The following ZC3H18 variants were observed in gnomAD, a reference collection of about 807,000 sequenced individuals.
ZC3H18 encodes zinc finger CCCH domain-containing protein 18.
A neutral mutation model predicts 106.1 loss-of-function variants in ZC3H18; 8 were observed. The ratio of observed to expected loss-of-function variants is 0.08; its 90% CI spans 0.04 to 0.14. The LOEUF (loss-of-function observed/expected upper bound fraction) is 0.14, where lower values mean the gene tolerates loss of function less well. Among genes scored for constraint, ZC3H18 ranks in the 10% least tolerant of loss-of-function variants. The probability of loss-of-function intolerance (pLI) is 1.00; values close to 1 mark genes in which losing one functional copy is unlikely to be tolerated. For missense variants in ZC3H18, 1,318 were observed against 1,278.4 expected, an observed-to-expected ratio of 1.03 and a Z score of -0.47; for synonymous variants, 635 against 522.1, an observed-to-expected ratio of 1.22 and a Z score of -2.95.
intron 1 of ZC3H18, among the ~76,000 whole-genome samples, chr16:88,572,765 TACTATTTTTTGAAACGGA>T (rs1914491456): frequency 1.3e-5 from 2 of 151,634 alleles, no homozygotes; most frequent in South Asian, 4.2e-4. Context: ...AGCACCTTAT[TACTATTTTTTGAAACGGA>T]GTCTCACTCT....
chr16:88,572,498 C>G (rs891176024), intron 1 of ZC3H18, among the ~76,000 whole-genome samples: 1 of 151,934 alleles, frequency 6.6e-6, no homozygotes, highest in African/African-American at 2.4e-5. Flanking sequence ...TATCATCTGC[C>G]AAATGCAGAA....
In ZC3H18 at chr16:88,577,287, C is replaced by T. The variant is rs114157005; in HGVS notation, c.164C>T (p.Ala55Val). 1.1e-3 allele frequency: 1,709 copies of T among 1,612,850 alleles called. 3 individuals are homozygous for T. Among genetic ancestry groups the T allele is most frequent in the Non-Finnish European group, 1.4e-3 (1,595 of 1,179,482 alleles). Residue 55 changes from alanine (A) to valine (V), a missense_variant, in exon 2 of 18, where the codon GCC becomes GTC. This residue lies in a region of ZC3H18 where 346 missense variants were observed against 269.0 expected (regional missense o/e 1.29). Transcript: ENST00000301011. ...GATCTGGAGGATGAGGAAAGTGCAGCCAGGGGGCCGAGCCAGGAGGAGGAA... is the reference window on the plus strand; with the variant it reads ...GATCTGGAGGATGAGGAAAGTGCAGTCAGGGGGCCGAGCCAGGAGGAGGAA... ...ASDLEDEESA[A>V]RGPSQEEEDN...
At chr16:88,587,472 A>G (rs1915503386) in intron 3 of ZC3H18, 7 of 1,338,216 alleles carry the variant, frequency 5.2e-6, no homozygotes, top group African/African-American at 1.5e-5. Context: ...GTAAGCCCAT[A>G]GATGACTGTC....
intron 6 of ZC3H18, among the ~76,000 whole-genome samples, chr16:88,607,312 G>A (rs7198724): frequency 0.042 from 6,469 of 152,302 alleles, 185 homozygotes; most frequent in Non-Finnish European, 0.064. Context: ...CTCAGAGGGC[G>A]TGTCTGGCGT....
intron 8 of ZC3H18, among the ~76,000 whole-genome samples, chr16:88,614,706 G>A (rs1222108584): frequency 6.6e-6 from 1 of 152,212 alleles, no homozygotes; most frequent in African/African-American, 2.4e-5. Context: ...AAGTTTACAT[G>A]GTCATCCAAA....
chr16:88,575,567 C>T lies in ZC3H18; in HGVS notation c.-14-1543C>T, dbSNP rs117498609. ...TGTTGCCGTTCTACACCTTCCTACC[C>T]GTCTTAACACCGTCCACTTTTAAAG... On this transcript the variant is annotated intron_variant, in intron 1 of 17. Coordinates refer to ENST00000301011, the MANE Select transcript of ZC3H18 (RefSeq NM_144604.4). Among the ~76,000 whole-genome samples, 74 of 152,208 alleles carry T rather than the reference C, an allele frequency of 4.9e-4. No individual in the cohort carries two copies. In the East Asian group the frequency reaches 0.013, roughly 28 times the overall value.
chr16:88,572,932 A>G lies in ZC3H18; in HGVS notation c.-15+2366A>G, dbSNP rs535996364. 3.3e-4 allele frequency among the ~76,000 whole-genome samples: 50 copies of G among 151,886 alleles called. No individual in the cohort carries two copies. In the Middle Eastern group the frequency reaches 0.017, roughly 52 times the overall value. On this transcript the variant is annotated intron_variant, in intron 1 of 17. Coordinates refer to ENST00000301011, the MANE Select transcript of ZC3H18 (RefSeq NM_144604.4). Reference sequence around the variant, plus strand: ...GCCACCATGCCCAGCTAATTTTTGTATTTTTAGTAGAGACAGGGGTTTCAC... The same window carrying G: ...GCCACCATGCCCAGCTAATTTTTGTGTTTTTAGTAGAGACAGGGGTTTCAC...
chr16:88,590,140 A>G (rs1054157558), intron 3 of ZC3H18, among the ~76,000 whole-genome samples: 3 of 152,094 alleles, frequency 2.0e-5, no homozygotes, highest in African/African-American at 4.8e-5. Context: ...ACTTGTAGAG[A>G]TGGGATCTCA....
rs539631414 is a variant in ZC3H18 at position 88,608,686 on chromosome 16, T to C, written c.1089-248T>C. The C allele has an allele frequency of 9.0e-5, 24 of 265,624 alleles. 1 individual carries two copies. The South Asian group carries it at 1.4e-3, about 16-fold the overall frequency. The allele number at this position is 265,624 out of a possible 1,614,324, so 16.5% of individuals were successfully genotyped here. A position where few individuals can be genotyped will look rare whatever the true frequency, so the allele number is the denominator to read the frequency against. ...CCCTCACTTCCTATTTTCTTGAGTA[T>C]TTTTTATCAAAAAGGCTATTGAATT... On this transcript the variant is annotated intron_variant, in intron 6 of 17. Coordinates refer to ENST00000301011, the MANE Select transcript of ZC3H18 (RefSeq NM_144604.4).
At chr16:88,630,437 A>G in intron 16 of ZC3H18, 48 bp from the exon 17 acceptor site, 2 of 1,527,154 alleles carry the variant, frequency 1.3e-6, no homozygotes, top group Non-Finnish European at 1.8e-6. Flanking sequence ...CCACACAGCC[A>G]TTCCCTGTAC....
intron 2 of ZC3H18, among the ~76,000 whole-genome samples, chr16:88,581,698 C>G (rs1045427830): frequency 3.3e-5 from 5 of 152,172 alleles, no homozygotes; most frequent in Non-Finnish European, 5.9e-5. Context: ...GTGCAGCAGG[C>G]CTTGTTTTTA....
intron 8 of ZC3H18, among the ~76,000 whole-genome samples, chr16:88,616,198 C>G (rs934204509): frequency 6.6e-6 from 1 of 152,240 alleles, no homozygotes; most frequent in African/African-American, 2.4e-5. Flanking sequence ...CTGGCCTGAT[C>G]TGGGCTCACA....
chr16:88,610,674 ATGAG>A (rs1255045993), intron 7 of ZC3H18, among the ~76,000 whole-genome samples: 1 of 152,244 alleles, frequency 6.6e-6, no homozygotes, highest in East Asian at 1.9e-4. Flanking sequence ...GAGCAAATGA[ATGAG>A]TAAGAGCAGA....
Position 88,627,848 on chromosome 16 carries a change from C to G in ZC3H18, c.2269+66C>G. The G allele has an allele frequency of 6.2e-7, 1 of 1,612,574 alleles. No homozygotes were observed. The highest frequency in any genetic ancestry group is 2.2e-5 in the East Asian group (1 of 44,870). ...GGGAGGAGGGCGGCATCAGCACAGA[C>G]TTTGCCTGGCTGTTGGTGTGGCCAT... On this transcript the variant is annotated intron_variant, in intron 14 of 17. Coordinates refer to ENST00000301011, the MANE Select transcript of ZC3H18 (RefSeq NM_144604.4). This position sits in a 1 kb window ranked among gnomAD's most constrained non-coding sequence, Gnocchi z 4.5.
chr16:88,609,143 T>TA (rs1298989015), intron 7 of ZC3H18, 92 bp downstream of exon 7: 2 of 1,044,326 alleles, frequency 1.9e-6, no homozygotes, highest in African/African-American at 3.2e-5. Flanking sequence ...CAGGGCTTTA[T>TA]ATGAGCTTAT....
At position 88,624,595 on chromosome 16, in the gene ZC3H18, C is replaced by G; in HGVS notation, c.1899-7C>G. On this transcript the variant is annotated splice_region_variant and splice_polypyrimidine_tract_variant and intron_variant, in intron 11 of 17. Transcript: ENST00000301011. ...CCCTGCCCTGCTCGAGCCTCCCTGT[C>G]TCACAGAGAGAAGTCAGTGAAGAAG... 1 of 1,612,766 alleles carries G rather than the reference C, an allele frequency of 6.2e-7. No homozygotes were observed. Among genetic ancestry groups the G allele is most frequent in the Non-Finnish European group, 8.5e-7 (1 of 1,179,574 alleles).
intron 3 of ZC3H18, among the ~76,000 whole-genome samples, chr16:88,589,221 G>C (rs186868049): frequency 6.6e-6 from 1 of 152,326 alleles, no homozygotes; most frequent in South Asian, 2.1e-4. Context: ...TTCACTGCTC[G>C]TGAGAGGGTA....
At chr16:88,594,237 T>C (rs1904322907) in intron 3 of ZC3H18, among the ~76,000 whole-genome samples, 1 of 152,202 alleles carries the variant, frequency 6.6e-6, no homozygotes, top group East Asian at 1.9e-4. Flanking sequence ...TCACCAAATA[T>C]TTTAAAAACA....
In ZC3H18 at chr16:88,577,530, A is replaced by G; in HGVS notation, c.407A>G (p.Glu136Gly). 1 of 1,613,288 alleles carries G rather than the reference A, an allele frequency of 6.2e-7. No individual in the cohort carries two copies. Among genetic ancestry groups the G allele is most frequent in the Non-Finnish European group, 8.5e-7 (1 of 1,179,882 alleles). Residue 136 changes from glutamate to glycine, a missense_variant, in exon 2 of 18, where the codon GAG becomes GGG. Around this residue, in one of 6 missense-constraint regions of ZC3H18, gnomAD observed 346 missense variants for 269.0 expected, o/e 1.29. Transcript: ENST00000301011. ...CTAGACTACGATGAGGAGGTTCCTG[A>G]GGAGCCAGCTCCCGCCGTCCAGGAG... ...HELDYDEEVP[E>G]EPAPAVQEDE... is the part of the protein sequence containing the mutation.
Sources: allele counts gnomAD v4.1 joint callset (sites outside exome capture counted in the v4.1 genomes callset), GRCh38; gene constraint gnomAD v4.1.1; regional missense constraint gnomAD v4.1.1; non-coding constraint Gnocchi (gnomAD v3.1); transcripts MANE v1.5; gene names NCBI Gene and HGNC (gene_info 2026-07-23, HGNC 2026-07-21).